CHST9: variants seen among roughly 807,000 people sequenced by gnomAD.
CHST9 encodes carbohydrate sulfotransferase 9.
Under a neutral mutation model 44.4 loss-of-function variants are expected in CHST9, and 41 were observed. The ratio of observed to expected loss-of-function variants is 0.92; its 90% CI spans 0.72 to 1.20. CHST9 has a LOEUF of 1.20. Ranked by LOEUF, CHST9 falls within the 50% of genes most tolerant of loss-of-function variation. CHST9 has a pLI of 0.00. For missense variants in CHST9, 504 were observed against 516.5 expected (o/e 0.98, Z 0.23); for synonymous variants, 171 against 178.4 (o/e 0.96, Z 0.33).
chr18:26,958,938 T>C (rs1010278100), intron 4 of CHST9, among the ~76,000 whole-genome samples: 12 of 152,168 alleles, frequency 7.9e-5, no homozygotes, highest in Admixed American at 7.2e-4. Context: ...AAAATGGAAG[T>C]TCCATTCAAC....
At chr18:26,980,570 T>C (rs901918378) in intron 4 of CHST9, among the ~76,000 whole-genome samples, 5 of 152,164 alleles carry the variant, frequency 3.3e-5, no homozygotes, top group African/African-American at 1.2e-4. Context: ...ACACTGAATT[T>C]TCCCTTCTCC....
intron 2 of CHST9, among the ~76,000 whole-genome samples, chr18:27,111,631 T>C (rs2058271439): frequency 6.6e-6 from 1 of 152,204 alleles, no homozygotes. Context: ...TGAATTGCTG[T>C]CTGTGATGAT....
At chr18:27,099,672 AC>A (rs2058151927) in intron 2 of CHST9, among the ~76,000 whole-genome samples, 1 of 152,148 alleles carries the variant, frequency 6.6e-6, no homozygotes, top group Non-Finnish European at 1.5e-5. Context: ...ATATTATCTC[AC>A]ACCAGTCAGA....
intron 4 of CHST9, among the ~76,000 whole-genome samples, chr18:26,954,407 T>C (rs974678497): frequency 1.3e-5 from 2 of 152,168 alleles, no homozygotes; most frequent in Non-Finnish European, 2.9e-5. Context: ...CCCTGGACTA[T>C]GCTGTTAGCC....
intron 4 of CHST9, among the ~76,000 whole-genome samples, chr18:26,964,919 TG>T (rs2056445563): frequency 6.6e-6 from 1 of 152,008 alleles, no homozygotes; most frequent in Admixed American, 6.5e-5. Flanking sequence ...GGAGCGAAGA[TG>T]GGAGGTCTTT....
chr18:26,998,739 C>CAAAAAAAAAAAAAAA (rs11480705), intron 4 of CHST9, among the ~76,000 whole-genome samples: 1 of 114,106 alleles, frequency 8.8e-6, no homozygotes, highest in African/African-American at 3.1e-5. Flanking sequence ...ACAACAACAA[C>CAAAAAAAAAAAAAAA]AAAAAAAAAA....
Position 26,915,984 on chromosome 18 carries a change from G to A in CHST9, c.*275C>T. The A allele has an allele frequency of 3.7e-6, 1 of 267,782 alleles. No homozygotes were observed. The highest frequency in any genetic ancestry group is 7.1e-6 in the Non-Finnish European group (1 of 140,594). 16.6% of individuals were successfully genotyped at this position (267,782 alleles called of 1,614,324 possible). A position where few individuals can be genotyped will look rare whatever the true frequency, so the allele number is the denominator to read the frequency against. ...AGAGGCTGCTTTAGCTAATGCAACA[G>A]CTGGCTAGGTTATTGCTTCAACAAT... On this transcript the variant is annotated 3_prime_UTR_variant, in exon 6 of 6. Coordinates refer to ENST00000618847, the MANE Select transcript of CHST9 (RefSeq NM_031422.6).
At chr18:27,184,595 T>G (rs960109018) in intron 1 of CHST9, among the ~76,000 whole-genome samples, 3 of 151,846 alleles carry the variant, frequency 2.0e-5, no homozygotes, top group Admixed American at 2.0e-4. Context: ...TCCCGCAGCC[T>G]GCGCCTGAGC....
chr18:27,086,696 T>A (rs1396636292), intron 2 of CHST9, among the ~76,000 whole-genome samples: 1 of 152,136 alleles, frequency 6.6e-6, no homozygotes, highest in Non-Finnish European at 1.5e-5. Flanking sequence ...TTAATAAAGG[T>A]GATAATTACT....
At chr18:26,999,124 G>A (rs1239473504) in intron 4 of CHST9, among the ~76,000 whole-genome samples, 3 of 152,174 alleles carry the variant, frequency 2.0e-5, no homozygotes, top group East Asian at 1.9e-4. Context: ...GGGAAGAAAA[G>A]CAATAACAGA....
At chr18:26,986,505 T>G (rs1479334555) in intron 4 of CHST9, among the ~76,000 whole-genome samples, 1 of 152,138 alleles carries the variant, frequency 6.6e-6, no homozygotes, top group African/African-American at 2.4e-5. Flanking sequence ...AGAGGAAGAT[T>G]TAAAAATCTG....
At chr18:27,111,572 G>A (rs1019277085) in intron 2 of CHST9, among the ~76,000 whole-genome samples, 5 of 152,116 alleles carry the variant, frequency 3.3e-5, no homozygotes, top group Non-Finnish European at 5.9e-5. Context: ...AAGAATTCAA[G>A]AGTGCCACAC....
rs78935053 is a variant in CHST9, at chr18:27,079,999, G to A, written c.122-31496C>T. The stretch of plus-strand genomic sequence containing the variant: ...CTGCAAAGCCCTTTTTCCCATGTAA[G>A]GTTACAGAGTCACAGGTTCTGGGGG... On this transcript the variant is annotated intron_variant, in intron 2 of 5. Coordinates refer to ENST00000618847, the MANE Select transcript of CHST9 (RefSeq NM_031422.6). Among the ~76,000 whole-genome samples the A allele has an allele frequency of 8.9e-3, 1,348 of 152,208 alleles. 7 individuals carry two copies. The highest frequency in any genetic ancestry group is 0.014 in the Non-Finnish European group (951 of 68,016).
At chr18:27,018,708 C>A (rs900287665) in intron 4 of CHST9, among the ~76,000 whole-genome samples, 1 of 152,128 alleles carries the variant, frequency 6.6e-6, no homozygotes, top group African/African-American at 2.4e-5. Flanking sequence ...AGGCTTAATT[C>A]TCACAAAAGC....
chr18:27,117,048 G>A (rs558153961), intron 2 of CHST9, among the ~76,000 whole-genome samples: 1 of 151,660 alleles, frequency 6.6e-6, no homozygotes, highest in East Asian at 1.9e-4. Flanking sequence ...CTACATACTG[G>A]ACTTTACTTT....
At chr18:26,963,277 C>T (rs1174023921) in intron 4 of CHST9, among the ~76,000 whole-genome samples, 1 of 152,164 alleles carries the variant, frequency 6.6e-6, no homozygotes, top group Non-Finnish European at 1.5e-5. Flanking sequence ...ACTCACTCCT[C>T]TGCCATTTCC....
chr18:27,058,713 G>T (rs2057686828), intron 2 of CHST9, among the ~76,000 whole-genome samples: 1 of 152,078 alleles, frequency 6.6e-6, no homozygotes, highest in Non-Finnish European at 1.5e-5. Context: ...CAGATACGTG[G>T]GTCAAGAAAC....
chr18:26,982,610 G>A (rs1185495353), intron 4 of CHST9, among the ~76,000 whole-genome samples: 3 of 152,040 alleles, frequency 2.0e-5, no homozygotes, highest in Admixed American at 2.0e-4. Context: ...TGGCTTCAAG[G>A]AGCTCACAGT....
chr18:27,007,624 G>C (rs917159637), intron 4 of CHST9, among the ~76,000 whole-genome samples: 17 of 152,160 alleles, frequency 1.1e-4, no homozygotes, highest in African/African-American at 3.9e-4. Flanking sequence ...AAAACTCAAA[G>C]GGATGGAAAA....
Sources: allele counts gnomAD v4.1 joint callset (sites outside exome capture counted in the v4.1 genomes callset), GRCh38; gene constraint gnomAD v4.1.1; transcripts MANE v1.5; gene names NCBI Gene and HGNC (gene_info 2026-07-23, HGNC 2026-07-21).